LARP1B: variants seen among roughly 807,000 people sequenced by gnomAD.
LARP1B encodes the protein la-related protein 1B.
A neutral mutation model predicts 114.2 loss-of-function variants in LARP1B; 76 were observed. The observed-to-expected ratio is 0.67, with a 90% CI of 0.55 to 0.81. LARP1B has a LOEUF of 0.81. Ranked by LOEUF, LARP1B falls within the 30% of genes least tolerant of loss-of-function variation. LARP1B has a pLI of 0.00. For missense variants in LARP1B, 1,014 were observed against 1,075.8 expected, an observed-to-expected ratio of 0.94 and a Z score of 0.80; for synonymous variants, 345 against 348.0, an observed-to-expected ratio of 0.99 and a Z score of 0.10.
At chr4:128,088,743 A>C (rs1434982092) in intron 5 of LARP1B, among the ~76,000 whole-genome samples, 1 of 152,172 alleles carries the variant, frequency 6.6e-6, no homozygotes, top group East Asian at 1.9e-4. Context: ...GTGTTTATAA[A>C]ATTTTTTGTA....
downstream of LARP1B, among the ~76,000 whole-genome samples, chr4:128,216,765 G>C (rs1028461551): frequency 2.7e-4 from 41 of 151,954 alleles, no homozygotes; most frequent in Non-Finnish European, 4.1e-4. Flanking sequence ...ACATTCAAAA[G>C]CTAGCAGAAG....
intron 11 of LARP1B, among the ~76,000 whole-genome samples, chr4:128,143,015 G>A (rs1338597691): frequency 3.3e-5 from 5 of 151,728 alleles, no homozygotes; most frequent in Admixed American, 6.6e-5. Flanking sequence ...GGCCAGGCAC[G>A]GTGGCTCACG....
chr4:128,098,970 G>A (rs1234832717), intron 8 of LARP1B, among the ~76,000 whole-genome samples: 1 of 150,110 alleles, frequency 6.7e-6, no homozygotes, highest in Non-Finnish European at 1.5e-5. Flanking sequence ...TAGAGACTTG[G>A]CTTCACTATC....
intron 11 of LARP1B, among the ~76,000 whole-genome samples, chr4:128,125,285 C>T (rs1480377250): frequency 1.3e-5 from 2 of 151,840 alleles, no homozygotes; most frequent in East Asian, 1.9e-4. Flanking sequence ...TTAATTGGTA[C>T]CCAAAAGTGC....
chr4:128,085,932 T>G (rs532057071), intron 5 of LARP1B, among the ~76,000 whole-genome samples: 5 of 152,160 alleles, frequency 3.3e-5, no homozygotes, highest in Non-Finnish European at 5.9e-5. Flanking sequence ...ACTTTTTTTC[T>G]TTTTGCTATG....
intron 11 of LARP1B, among the ~76,000 whole-genome samples, chr4:128,147,440 C>A (rs1164297410): frequency 2.6e-5 from 4 of 152,082 alleles, no homozygotes; most frequent in Non-Finnish European, 4.4e-5. Context: ...GATATATGTA[C>A]AAAATCAAAA....
intron 7 of LARP1B, among the ~76,000 whole-genome samples, chr4:128,221,914 A>C (rs1479331419): frequency 6.6e-6 from 1 of 152,222 alleles, no homozygotes; most frequent in East Asian, 1.9e-4. Flanking sequence ...TGAAGAATAA[A>C]TGCACAGCAT....
chr4:128,063,518 G>A (rs959759268), intron 1 of LARP1B, among the ~76,000 whole-genome samples: 1 of 146,948 alleles, frequency 6.8e-6, no homozygotes. Flanking sequence ...GGTGGCTCAC[G>A]CCTGTAATCC....
rs55639320 is a variant in LARP1B, at chr4:128,140,824, G to GTTGTTT, written c.1524+18638_1524+18639insGTTTTT. On this transcript the variant is annotated intron_variant, in intron 11 of 19. Transcript: ENST00000326639. ...AAGTCAAGGTAGGTTAATTGTCTCT[G>GTTGTTT]TTTTTTTTTTTGGCAGAGTCTTGCT... Among the ~76,000 whole-genome samples, 3 of 138,602 alleles carry GTTGTTT rather than the reference G, an allele frequency of 2.2e-5. 1 individual carries two copies. The allele number at this position is 138,602 out of a possible 152,430, so 90.9% of individuals were successfully genotyped here.
intron 1 of LARP1B, among the ~76,000 whole-genome samples, chr4:128,064,705 T>A (rs1040514336): frequency 2.6e-5 from 4 of 152,138 alleles, no homozygotes; most frequent in African/African-American, 9.7e-5. Flanking sequence ...AAGTAGGAAC[T>A]CTTTGTTGAT....
At chr4:128,152,959 C>T (rs1343389110) in intron 11 of LARP1B, among the ~76,000 whole-genome samples, 15 of 131,924 alleles carry the variant, frequency 1.1e-4, no homozygotes, top group African/African-American at 4.1e-4. Context: ...TTTAAGTTTA[C>T]AATTTTGGTT....
intron 5 of LARP1B, among the ~76,000 whole-genome samples, chr4:128,086,140 A>C (rs117993396): frequency 6.7e-6 from 1 of 149,428 alleles, no homozygotes; most frequent in East Asian, 2.0e-4. Context: ...AGTAGCTGGG[A>C]CTACAAGCAC....
chr4:128,083,010 T>C (rs1186020044), intron 5 of LARP1B, among the ~76,000 whole-genome samples: 1 of 151,752 alleles, frequency 6.6e-6, no homozygotes, highest in Non-Finnish European at 1.5e-5. Flanking sequence ...TAGGGAGTGG[T>C]GATGATTCTT....
At chr4:128,085,270 A>T (rs1308150531) in intron 5 of LARP1B, among the ~76,000 whole-genome samples, 1 of 150,904 alleles carries the variant, frequency 6.6e-6, no homozygotes, top group African/African-American at 2.4e-5. Context: ...CTCCCTTTGT[A>T]ATTACTGTGT....
intron 11 of LARP1B, among the ~76,000 whole-genome samples, chr4:128,160,172 C>A (rs1737785244): frequency 6.6e-6 from 1 of 152,206 alleles, no homozygotes; most frequent in Non-Finnish European, 1.5e-5. Flanking sequence ...TGTTCCAACA[C>A]AGCCATTTAT....
intron 6 of LARP1B, among the ~76,000 whole-genome samples, chr4:128,217,004 A>G (rs1454784011): frequency 1.3e-5 from 2 of 151,414 alleles, no homozygotes; most frequent in Non-Finnish European, 3.0e-5. Flanking sequence ...ATCAGAGAAT[A>G]CTACAAACAA....
In LARP1B at chr4:128,162,198, A is replaced by G. The variant is rs1369678637; in HGVS notation, c.1529A>G (p.Glu510Gly). Residue 510 changes from glutamate to glycine, a missense_variant, in exon 12 of 20, where the codon GAA becomes GGA. Physicochemically the swap from Glu to Gly is moderately conservative, Grantham distance 98 (BLOSUM62 -2). Transcript: ENST00000326639. ...GATTCCTCCATTCTACTTCAGCAAG[A>G]AGTTGAGAACTTTAAGAAGCTAAAT... ...DENKHTAIKQ[E>G]VENFKKLNLI... 19 of 1,611,888 alleles carry G rather than the reference A, an allele frequency of 1.2e-5. No individual in the cohort carries two copies. The Admixed American group carries it at 3.2e-4, about 27-fold the overall frequency.
chr4:128,092,526 T>C (rs1776271926), intron 7 of LARP1B, among the ~76,000 whole-genome samples: 1 of 152,192 alleles, frequency 6.6e-6, no homozygotes, highest in South Asian at 2.1e-4. Flanking sequence ...GCCAAGTAAT[T>C]TGCATAACCA....
intron 11 of LARP1B, chr4:128,122,494 A>G: frequency 6.6e-7 from 1 of 1,521,286 alleles, no homozygotes; most frequent in Non-Finnish European, 8.8e-7. Context: ...GACAATACTG[A>G]GAACGCCCTT....
Sources: allele counts gnomAD v4.1 joint callset (sites outside exome capture counted in the v4.1 genomes callset), GRCh38; gene constraint gnomAD v4.1.1; transcripts MANE v1.5; gene names NCBI Gene and HGNC (gene_info 2026-07-23, HGNC 2026-07-21).